NRXN3: variants seen among roughly 807,000 people sequenced by gnomAD.
The protein encoded by NRXN3 is neurexin 3.
A neutral mutation model predicts 137.6 loss-of-function variants in NRXN3; 32 were observed. The observed-to-expected ratio is 0.23, with a 90% CI of 0.18 to 0.31. The LOEUF is 0.31. Among genes scored for constraint, NRXN3 ranks in the 10% least tolerant of loss-of-function variants. NRXN3 has a pLI of 1.00. For synonymous variants in NRXN3, 798 were observed against 784.5 expected (o/e 1.02, Z -0.29); for missense variants, 1,574 against 2,062.5 (o/e 0.76, Z 4.59).
chr14:78,241,650 T>C (rs1046926346), intron 1 of NRXN3, among the ~76,000 whole-genome samples: 2 of 152,056 alleles, frequency 1.3e-5, no homozygotes, highest in African/African-American at 4.8e-5. Context: ...TGCTAGGATC[T>C]TCCTATACCT....
At chr14:79,811,587 T>TC (rs1209023544) in intron 20 of NRXN3, among the ~76,000 whole-genome samples, 8 of 139,420 alleles carry the variant, frequency 5.7e-5, no homozygotes, top group East Asian at 2.0e-4. Flanking sequence ...TTTTCTTTTT[T>TC]TTTTTTTTTT....
intron 15 of NRXN3, 84 bp downstream of exon 15, chr14:78,988,225 T>G (rs2099511119): frequency 6.6e-7 from 1 of 1,516,576 alleles, no homozygotes; most frequent in African/African-American, 1.4e-5. Context: ...TGTAAAAGGA[T>G]GGCTCTTCTG....
chr14:78,989,351 T>C (rs897696501), intron 15 of NRXN3, among the ~76,000 whole-genome samples: 4 of 152,210 alleles, frequency 2.6e-5, no homozygotes, highest in South Asian at 4.1e-4. Flanking sequence ...GTTGTTGTTC[T>C]TTTTCCCGTT....
intron 10 of NRXN3, among the ~76,000 whole-genome samples, chr14:78,920,378 A>AT (rs2099267794): frequency 6.6e-6 from 1 of 152,192 alleles, no homozygotes; most frequent in Non-Finnish European, 1.5e-5. Context: ...AATACTGGAA[A>AT]TTTTTATTTT....
chr14:79,403,213 C>T (rs981373427), intron 15 of NRXN3, among the ~76,000 whole-genome samples: 4 of 152,028 alleles, frequency 2.6e-5, no homozygotes, highest in African/African-American at 9.7e-5. Context: ...ATGAATTACC[C>T]CAAAGCCACA....
rs567323471 is a variant in NRXN3, at chr14:79,440,016, G to A, written c.3263-27205G>A. The stretch of plus-strand genomic sequence containing the variant: ...GTACCAAGCAAGTATTGAGCACTGC[G>A]AAGTTCACTGTTCCTTAGAGAAATG... On this transcript the variant is annotated intron_variant, in intron 15 of 20. Transcript: ENST00000335750. Among the ~76,000 whole-genome samples the A allele has an allele frequency of 3.5e-4, 54 of 152,304 alleles. 1 individual carries two copies. Among genetic ancestry groups the A allele is most frequent in the African/African-American group, 1.2e-3 (49 of 41,562 alleles).
Position 78,778,770 on chromosome 14 carries a change from T to A in NRXN3, c.2045-24850T>A, listed in dbSNP as rs1270428924. ...TCTTTCCTTCTTTCTCTTTCTTTCT[T>A]TCTTTCTTTCTTTCTTTCTTTCTTT... On this transcript the variant is annotated intron_variant, in intron 8 of 20. Transcript: ENST00000335750. 4.6e-3 allele frequency among the ~76,000 whole-genome samples: 310 copies of A among 67,322 alleles called. 1 individual carries two copies. Among genetic ancestry groups the A allele is most frequent in the African/African-American group, 0.022 (297 of 13,732 alleles). The allele number at this position is 67,322 out of a possible 152,430, so 44.2% of individuals were successfully genotyped here. A position where few individuals can be genotyped will look rare whatever the true frequency, so the allele number is the denominator to read the frequency against.
intron 16 of NRXN3, among the ~76,000 whole-genome samples, chr14:79,619,779 C>T (rs147891306): frequency 8.9e-4 from 136 of 152,084 alleles, no homozygotes; most frequent in African/African-American, 3.1e-3. Flanking sequence ...TTCTTGTCCT[C>T]GAAGATCTCC....
intron 2 of NRXN3, among the ~76,000 whole-genome samples, chr14:78,261,168 C>CG (rs1001326954): frequency 7.2e-5 from 11 of 152,120 alleles, no homozygotes; most frequent in East Asian, 3.9e-4. Context: ...TGAATGGGGG[C>CG]GGGGGGGCTC....
chr14:79,015,792 C>G (rs1178251984), intron 15 of NRXN3, among the ~76,000 whole-genome samples: 2 of 152,148 alleles, frequency 1.3e-5, no homozygotes, highest in Non-Finnish European at 2.9e-5. Context: ...TAGTCCAACA[C>G]CAGTAAATGA....
chr14:78,267,080 T>C, intron 2 of NRXN3, among the ~76,000 whole-genome samples: 1 of 152,212 alleles, frequency 6.6e-6, no homozygotes, highest in East Asian at 1.9e-4. Flanking sequence ...CAGGCCCATG[T>C]CTAGCTTCAA....
chr14:78,428,566 G>A (rs1176909856), intron 4 of NRXN3, among the ~76,000 whole-genome samples: 2 of 152,166 alleles, frequency 1.3e-5, no homozygotes, highest in African/African-American at 4.8e-5. Flanking sequence ...GAGACAGTGA[G>A]AGAGGACAGA....
chr14:78,465,408 A>G (rs2095068539), intron 4 of NRXN3, among the ~76,000 whole-genome samples: 2 of 152,256 alleles, frequency 1.3e-5, no homozygotes, highest in Admixed American at 1.3e-4. Context: ...AATTTAATAA[A>G]ATAAGAAACT....
At chr14:78,336,504 C>G (rs954847621) in intron 4 of NRXN3, among the ~76,000 whole-genome samples, 1 of 152,110 alleles carries the variant, frequency 6.6e-6, no homozygotes, top group Non-Finnish European at 1.5e-5. Context: ...AGACCCTGCT[C>G]TCATGGAGCT....
chr14:79,393,586 G>A (rs1305614939), intron 15 of NRXN3, among the ~76,000 whole-genome samples: 4 of 152,210 alleles, frequency 2.6e-5, no homozygotes, highest in South Asian at 2.1e-4. Context: ...AGGCCGAGGC[G>A]GGCGGATCAT....
intron 10 of NRXN3, among the ~76,000 whole-genome samples, chr14:78,875,688 C>T (rs1305262758): frequency 2.6e-5 from 4 of 152,100 alleles, no homozygotes; most frequent in African/African-American, 9.7e-5. Flanking sequence ...ATTTTAAATA[C>T]ACAGTGTTTT....
At chr14:78,925,263 T>G (rs966000294) in intron 10 of NRXN3, among the ~76,000 whole-genome samples, 5 of 152,212 alleles carry the variant, frequency 3.3e-5, no homozygotes, top group Admixed American at 2.6e-4. Context: ...CAAAATGAAG[T>G]AAATTTTTAT....
chr14:78,996,314 C>T (rs755782070), intron 15 of NRXN3, among the ~76,000 whole-genome samples: 5 of 152,122 alleles, frequency 3.3e-5, no homozygotes, highest in Non-Finnish European at 5.9e-5. Context: ...GATGAGAGAA[C>T]TGAGACAGAA....
intron 10 of NRXN3, among the ~76,000 whole-genome samples, chr14:78,819,194 G>T (rs533079759): frequency 1.3e-5 from 2 of 151,970 alleles, no homozygotes; most frequent in Non-Finnish European, 2.9e-5. Context: ...ACCTTTCCAA[G>T]ATTTCTTTAT....
Sources: allele counts gnomAD v4.1 joint callset (sites outside exome capture counted in the v4.1 genomes callset), GRCh38; gene constraint gnomAD v4.1.1; transcripts MANE v1.5; gene names NCBI Gene and HGNC (gene_info 2026-07-23, HGNC 2026-07-21).